Variants in QTGAL observed in about 807,000 individuals in gnomAD.
The protein encoded by QTGAL is queuosine-tRNA galactosyltransferase, also known as BGnT-like protein 1.
chr17:83,013,319 A>C, the QTGAL span, among the ~76,000 whole-genome samples: 1 of 149,598 alleles, frequency 6.7e-6, no homozygotes, highest in South Asian at 2.2e-4. Flanking sequence ...GTGAGACGCA[A>C]ACCTCCGTGC....
chr17:83,044,162 C>G, the QTGAL span, among the ~76,000 whole-genome samples: 1 of 152,280 alleles, frequency 6.6e-6, no homozygotes, highest in Non-Finnish European at 1.5e-5. Context: ...GATACCGAAG[C>G]CACACAAAGA....
chr17:82,979,109 A>G, the QTGAL span, among the ~76,000 whole-genome samples: 1 of 152,210 alleles, frequency 6.6e-6, no homozygotes, highest in Admixed American at 6.5e-5. Flanking sequence ...AAGCAAGCAG[A>G]AAAAAGAAAC....
the QTGAL span, among the ~76,000 whole-genome samples, chr17:82,996,485 G>A: frequency 6.8e-6 from 1 of 147,512 alleles, no homozygotes; most frequent in Non-Finnish European, 1.5e-5. Context: ...ACGCGCGACT[G>A]CACTCCAGCC....
At chr17:82,955,129 C>A in the QTGAL span, among the ~76,000 whole-genome samples, 5 of 152,184 alleles carry the variant, frequency 3.3e-5, no homozygotes, top group East Asian at 9.6e-4. Flanking sequence ...CAAATGGGAT[C>A]TAATTAAACT....
the QTGAL span, chr17:82,961,051 A>G: frequency 2.5e-6 from 4 of 1,607,338 alleles, no homozygotes; most frequent in Non-Finnish European, 3.4e-6. Context: ...GGCGGGGCTG[A>G]CTCACTCGAG....
the QTGAL span, chr17:82,948,774 A>G: frequency 3.3e-5 from 5 of 152,276 alleles, no homozygotes; most frequent in South Asian, 2.1e-4. Context: ...AATTATCCAA[A>G]TAGAAAAATT....
At chr17:82,984,065 CA>C in the QTGAL span, among the ~76,000 whole-genome samples, 1 of 128,556 alleles carries the variant, frequency 7.8e-6, no homozygotes, top group African/African-American at 3.0e-5. Flanking sequence ...GCCATATGAT[CA>C]CGCAGGGGAG....
At chr17:83,005,448 C>G in the QTGAL span, 1 of 627,064 alleles carries the variant, frequency 1.6e-6, no homozygotes, top group East Asian at 2.8e-5. The surrounding 1 kb of genome is among the most constrained non-coding windows in gnomAD (Gnocchi z 5.6). Flanking sequence ...GCCCTGGACG[C>G]GCATCTCGGC....
chr17:83,015,200 A>G, the QTGAL span, among the ~76,000 whole-genome samples: 3,746 of 40,610 alleles, frequency 0.092, 550 homozygotes, highest in Middle Eastern at 0.1. This position sits in a 1 kb window ranked among gnomAD's most constrained non-coding sequence, Gnocchi z 4.4. Flanking sequence ...GAGGGGGACC[A>G]TCTGCGGTGA....
the QTGAL span, among the ~76,000 whole-genome samples, chr17:83,031,242 G>A: frequency 2.0e-5 from 3 of 152,108 alleles, no homozygotes; most frequent in Non-Finnish European, 2.9e-5. Flanking sequence ...ACTCAGCGAC[G>A]GCCGCCAGAG....
At chr17:83,019,313 G>C in the QTGAL span, among the ~76,000 whole-genome samples, 25 of 152,240 alleles carry the variant, frequency 1.6e-4, no homozygotes, top group African/African-American at 5.5e-4. Context: ...AGACAGCCAG[G>C]CTTATAAGTA....
the QTGAL span, among the ~76,000 whole-genome samples, chr17:83,042,249 C>A: frequency 1.3e-5 from 2 of 152,160 alleles, no homozygotes; most frequent in African/African-American, 4.8e-5. Flanking sequence ...CACCTGTATT[C>A]CCAGCTACCT....
chr17:82,982,135 ACCTCTGTGGTGATGGGCCG>A, the QTGAL span, among the ~76,000 whole-genome samples: 2 of 135,630 alleles, frequency 1.5e-5, no homozygotes, highest in Non-Finnish European at 3.2e-5. Context: ...CATCCTTCTC[ACCTCTGTGGTGATGGGCCG>A]AGCGGGTGGA....
the QTGAL span, among the ~76,000 whole-genome samples, chr17:83,031,107 CTT>C: frequency 6.6e-6 from 1 of 152,230 alleles, no homozygotes; most frequent in Non-Finnish European, 1.5e-5. Context: ...TTCTTGTTTA[CTT>C]TGTTTTATTC....
the QTGAL span, among the ~76,000 whole-genome samples, chr17:83,030,520 T>C: frequency 1.3e-5 from 2 of 152,228 alleles, no homozygotes; most frequent in Non-Finnish European, 1.5e-5. Flanking sequence ...TAGACGGCAC[T>C]GCTGCTCGGG....
At chr17:82,999,208 A>G in the QTGAL span, among the ~76,000 whole-genome samples, 1 of 151,956 alleles carries the variant, frequency 6.6e-6, no homozygotes, top group Non-Finnish European at 1.5e-5. Context: ...GTTCACTGTC[A>G]TGCACAAAGG....
the QTGAL span, among the ~76,000 whole-genome samples, chr17:83,045,220 C>T: frequency 6.6e-6 from 1 of 152,180 alleles, no homozygotes; most frequent in Non-Finnish European, 1.5e-5. Context: ...CAATGAGGTA[C>T]TGGCGTAAGG....
chr17:82,968,273 G>A, the QTGAL span, among the ~76,000 whole-genome samples: 2 of 152,314 alleles, frequency 1.3e-5, no homozygotes, highest in Middle Eastern at 3.4e-3. Context: ...CCAAATGTCC[G>A]TCAACAGTGA....
At chr17:83,005,292 C>T in the QTGAL span, 1 of 1,180,000 alleles carries the variant, frequency 8.5e-7, no homozygotes, top group East Asian at 2.4e-5. This position sits in a 1 kb window ranked among gnomAD's most constrained non-coding sequence, Gnocchi z 5.6. Context: ...ATTCATCTCA[C>T]ATGTTTTAGG....
Sources: allele counts gnomAD v4.1 joint callset (sites outside exome capture counted in the v4.1 genomes callset), GRCh38; gene constraint gnomAD v4.1.1; non-coding constraint Gnocchi (gnomAD v3.1); transcripts MANE v1.5; gene names NCBI Gene and HGNC (gene_info 2026-07-23, HGNC 2026-07-21).